Variants in ATXN7 observed in about 807,000 individuals in gnomAD.
ATXN7 encodes the protein ataxin-7.
Under a neutral mutation model 70.5 loss-of-function variants are expected in ATXN7, and 12 were observed. The observed-to-expected ratio is 0.17, with a 90% CI of 0.11 to 0.28. ATXN7 has a LOEUF of 0.28. Ranked by LOEUF, ATXN7 falls within the 10% of genes least tolerant of loss-of-function variation. ATXN7 has a pLI of 1.00. For missense variants in ATXN7, 1,256 were observed against 1,131.7 expected, an observed-to-expected ratio of 1.11 and a Z score of -1.58; for synonymous variants, 498 against 448.7, an observed-to-expected ratio of 1.11 and a Z score of -1.39.
chr3:63,930,519 C>G (rs1031635182), intron 4 of ATXN7, among the ~76,000 whole-genome samples: 1 of 148,164 alleles, frequency 6.7e-6, no homozygotes, highest in Non-Finnish European at 1.5e-5. Flanking sequence ...TTTTTCAAAT[C>G]CCAGAGTTTA....
chr3:63,929,246 G>A (rs1704838256), intron 4 of ATXN7, among the ~76,000 whole-genome samples: 1 of 151,482 alleles, frequency 6.6e-6, no homozygotes, highest in Non-Finnish European at 1.5e-5. Flanking sequence ...AGATTATCTA[G>A]GAAGCTTTCT....
intron 9 of ATXN7, 40 bp from the exon 10 acceptor site, chr3:63,990,136 G>C: frequency 6.3e-7 from 1 of 1,595,938 alleles, no homozygotes; most frequent in Non-Finnish European, 8.6e-7. Flanking sequence ...TGATTCCCAG[G>C]TGTGTGATCT....
In ATXN7 at chr3:63,891,520, G is replaced by A. The variant is rs535624953; in HGVS notation, c.-110-6879G>A. Among the ~76,000 whole-genome samples the A allele has an allele frequency of 4.6e-5, 7 of 150,892 alleles. No homozygotes were observed. The South Asian group carries it at 8.4e-4, about 18-fold the overall frequency. ...TTAATTTTCATAGAGATGGAGTCTC[G>A]CTGTGTTGCCTAGGCTGATCTCGAA... On this transcript the variant is annotated intron_variant, in intron 1 of 12. Transcript: ENST00000674280.
intron 4 of ATXN7, among the ~76,000 whole-genome samples, chr3:63,915,370 C>T (rs1704221093): frequency 6.6e-6 from 1 of 152,174 alleles, no homozygotes; most frequent in Admixed American, 6.5e-5. Flanking sequence ...TCAGTCAGTT[C>T]TTCATTTGTT....
rs535294299 is a variant in ATXN7, at chr3:63,912,524, C to G, written c.-11-64C>G. On this transcript the variant is annotated intron_variant, in intron 2 of 12. Transcript: ENST00000674280. ...GGGCCGCGCACGCCGCCGGAACTCC[C>G]TGGCGCCTCCTTAAAAAACGGCCCC... 3 of 1,041,244 alleles carry G rather than the reference C, an allele frequency of 2.9e-6. No homozygotes were observed. In the East Asian group the frequency reaches 3.1e-4, roughly 107 times the overall value. 64.5% of individuals were successfully genotyped at this position (1,041,244 alleles called of 1,614,324 possible).
chr3:63,866,773 A>G (rs1360387321), intron 1 of ATXN7: 1 of 152,194 alleles, frequency 6.6e-6, no homozygotes, highest in Non-Finnish European at 1.5e-5. Flanking sequence ...TTACATATTA[A>G]CATGTTGATG....
At chr3:63,905,198 T>TC (rs1703792530) in intron 2 of ATXN7, 1 of 152,136 alleles carries the variant, frequency 6.6e-6, no homozygotes, top group Non-Finnish European at 1.5e-5. Flanking sequence ...GTTTTCATTC[T>TC]TTTTTAATTT....
chr3:63,933,156 A>G (rs2074588759), intron 4 of ATXN7, among the ~76,000 whole-genome samples: 1 of 152,226 alleles, frequency 6.6e-6, no homozygotes, highest in African/African-American at 2.4e-5. Context: ...CAGGTGTCAG[A>G]GGTCTATCTA....
At chr3:63,892,364 G>A (rs1703294231) in intron 1 of ATXN7, among the ~76,000 whole-genome samples, 1 of 136,158 alleles carries the variant, frequency 7.3e-6, no homozygotes, top group African/African-American at 2.8e-5. Context: ...CAACTTTAAA[G>A]ACACCTCTAC....
At position 63,982,174 on chromosome 3, in the gene ATXN7, C is replaced by T. The variant is rs779951156; in HGVS notation, c.753-12C>T. ...ACTCAGGCACTGGTTTTCTCACTTC[C>T]TCCTGTGACAGCATGACACCCTCTG... On this transcript the variant is annotated splice_polypyrimidine_tract_variant and intron_variant, in intron 6 of 12. Coordinates refer to ENST00000674280, the MANE Select transcript of ATXN7 (RefSeq NM_001377405.1). The T allele has an allele frequency of 7.4e-6, 12 of 1,613,980 alleles. No homozygotes were observed. The South Asian group carries it at 1.1e-4, about 15-fold the overall frequency.
At chr3:63,941,534 A>G (rs2074768835) in intron 4 of ATXN7, among the ~76,000 whole-genome samples, 1 of 152,264 alleles carries the variant, frequency 6.6e-6, no homozygotes, top group South Asian at 2.1e-4. Context: ...CCCATGGAAA[A>G]ATTGTCTTCC....
intron 2 of ATXN7, 124 bp from the exon 3 acceptor site, chr3:63,912,464 A>G: frequency 2.0e-6 from 1 of 511,784 alleles, no homozygotes; most frequent in Non-Finnish European, 2.5e-6. Flanking sequence ...CTGGGCGGCC[A>G]TGGGGGCGCT....
intron 11 of ATXN7, among the ~76,000 whole-genome samples, chr3:63,992,930 A>G (rs1183187640): frequency 3.9e-5 from 6 of 152,148 alleles, no homozygotes; most frequent in Admixed American, 2.0e-4. Flanking sequence ...CATCCAGAGA[A>G]CTATTCTCAC....
intron 1 of ATXN7, among the ~76,000 whole-genome samples, chr3:63,875,060 T>C (rs957045305): frequency 1.3e-5 from 2 of 152,162 alleles, no homozygotes; most frequent in Non-Finnish European, 2.9e-5. Flanking sequence ...CTAATCACCC[T>C]GCAGAAGGTC....
chr3:63,879,038 T>C (rs2107217263), intron 1 of ATXN7, among the ~76,000 whole-genome samples: 1 of 152,230 alleles, frequency 6.6e-6, no homozygotes, highest in African/African-American at 2.4e-5. Context: ...GGTCTGGGGG[T>C]GGAAAGTGGA....
intron 5 of ATXN7, among the ~76,000 whole-genome samples, chr3:63,965,336 G>A (rs1280112095): frequency 1.3e-5 from 2 of 152,144 alleles, no homozygotes; most frequent in African/African-American, 4.8e-5. Flanking sequence ...CTTGCCCACG[G>A]CTGCACAACT....
intron 1 of ATXN7, among the ~76,000 whole-genome samples, chr3:63,871,587 T>C (rs144991373): frequency 1.3e-5 from 2 of 152,302 alleles, no homozygotes; most frequent in Non-Finnish European, 2.9e-5. Context: ...GGATAGGGGA[T>C]TAAGTGAATT....
chr3:63,881,368 A>G (rs1702903084), intron 1 of ATXN7, among the ~76,000 whole-genome samples: 1 of 151,814 alleles, frequency 6.6e-6, no homozygotes, highest in Non-Finnish European at 1.5e-5. Context: ...GAGATAAGTG[A>G]CCTCTAAACT....
At chr3:63,926,756 C>G (rs940961532) in intron 4 of ATXN7, among the ~76,000 whole-genome samples, 1 of 152,088 alleles carries the variant, frequency 6.6e-6, no homozygotes, top group Non-Finnish European at 1.5e-5. Context: ...TCTAAACCTG[C>G]TAGACTTAGG....
Sources: allele counts gnomAD v4.1 joint callset (sites outside exome capture counted in the v4.1 genomes callset), GRCh38; gene constraint gnomAD v4.1.1; transcripts MANE v1.5; gene names NCBI Gene and HGNC (gene_info 2026-07-23, HGNC 2026-07-21).